The following RIC1 variants were observed in gnomAD, a reference collection of about 807,000 sequenced individuals.
The protein encoded by RIC1 is RIC1 partner of RAB6A GEF complex.
RIC1 carries 88 observed loss-of-function variants against 169.0 expected under a neutral mutation model. The ratio of observed to expected loss-of-function variants is 0.52; its 90% CI spans 0.44 to 0.62. The LOEUF (loss-of-function observed/expected upper bound fraction) is 0.62, where lower values mean the gene tolerates loss of function less well. Among genes scored for constraint, RIC1 ranks in the 20% least tolerant of loss-of-function variants. RIC1 has a pLI of 0.00. For missense variants in RIC1, 1,877 were observed against 1,725.5 expected (o/e 1.09, Z -1.56); for synonymous variants, 790 against 601.5 (o/e 1.31, Z -4.59).
intron 3 of RIC1, among the ~76,000 whole-genome samples, chr9:5,699,516 CTG>C (rs1249132932): frequency 3.4e-5 from 5 of 148,026 alleles, no homozygotes; most frequent in Admixed American, 6.7e-5. Context: ...TTTCAAAAAA[CTG>C]TTTGTATATT....
intron 2 of RIC1, among the ~76,000 whole-genome samples, chr9:5,665,927 C>G (rs994939082): frequency 6.6e-6 from 1 of 152,142 alleles, no homozygotes; most frequent in African/African-American, 2.4e-5. Flanking sequence ...GATCAGGGAC[C>G]CACTTAAAGA....
intron 6 of RIC1, among the ~76,000 whole-genome samples, chr9:5,727,288 A>G (rs867109025): frequency 6.6e-6 from 1 of 151,850 alleles, no homozygotes; most frequent in South Asian, 2.1e-4. Flanking sequence ...TTCTCTTCTC[A>G]CTTCATTTCA....
In RIC1 at chr9:5,753,251, T is replaced by G. The variant is rs967889297; in HGVS notation, c.1491+13T>G. ...TTGGCCTATACGGGTGAGTTGTTAT[T>G]TTGTTGGTGTTAACTTTTGTTGACT... On this transcript the variant is annotated intron_variant, in intron 13 of 25. Transcript: ENST00000414202. 1.9e-6 allele frequency: 3 copies of G among 1,612,834 alleles called. No individual in the cohort carries two copies. Among genetic ancestry groups the G allele is most frequent in the Non-Finnish European group, 2.5e-6 (3 of 1,178,882 alleles).
At chr9:5,720,899 G>C in intron 6 of RIC1, 149 bp downstream of exon 6, 1 of 668,498 alleles carries the variant, frequency 1.5e-6, no homozygotes, top group Non-Finnish European at 2.4e-6. Context: ...AGTATAAGTA[G>C]ACAAAATTCT....
At chr9:5,636,077 T>A (rs1817957388) in intron 1 of RIC1, among the ~76,000 whole-genome samples, 1 of 152,248 alleles carries the variant, frequency 6.6e-6, no homozygotes, top group African/African-American at 2.4e-5. Context: ...GGATTGTTTT[T>A]CTGTTTATGT....
intron 12 of RIC1, among the ~76,000 whole-genome samples, chr9:5,750,902 G>A: frequency 6.6e-6 from 1 of 151,784 alleles, no homozygotes; most frequent in South Asian, 2.1e-4. Context: ...AGTATCTTTA[G>A]ACACAAACTG....
chr9:5,639,226 A>G (rs1818120233), intron 1 of RIC1, among the ~76,000 whole-genome samples: 1 of 152,132 alleles, frequency 6.6e-6, no homozygotes, highest in Non-Finnish European at 1.5e-5. Context: ...TTTATGGTGT[A>G]ATACTTATAG....
intron 4 of RIC1, among the ~76,000 whole-genome samples, chr9:5,715,994 G>A (rs767365790): frequency 7.2e-5 from 11 of 152,046 alleles, no homozygotes; most frequent in African/African-American, 1.4e-4. Context: ...ACAGGCACAC[G>A]TCACAGCACG....
intron 1 of RIC1, among the ~76,000 whole-genome samples, chr9:5,638,320 T>C (rs1345225380): frequency 6.6e-6 from 1 of 152,194 alleles, no homozygotes; most frequent in Non-Finnish European, 1.5e-5. Flanking sequence ...TATTGATGTG[T>C]CTTTGTCTGG....
At position 5,775,308 on chromosome 9, in the gene RIC1, GTAAACT is replaced by G. The variant is rs1827521171; in HGVS notation, c.*1067_*1072del. ...GTGTGTAAAGAATGCATTCTTCATT[GTAAACT>G]TAAAGTATTTTATGTACTTCTAGAA... is the stretch of plus-strand genomic sequence containing the variant. On this transcript the variant is annotated 3_prime_UTR_variant, in exon 26 of 26. Transcript: ENST00000414202. 1 of 152,092 alleles carries G rather than the reference GTAAACT, an allele frequency of 6.6e-6. No homozygotes were observed. The highest frequency in any genetic ancestry group is 6.6e-5 in the Admixed American group (1 of 15,266). 9.4% of individuals were successfully genotyped at this position (152,092 alleles called of 1,614,324 possible). A position where few individuals can be genotyped will look rare whatever the true frequency, so the allele number is the denominator to read the frequency against.
intron 2 of RIC1, among the ~76,000 whole-genome samples, chr9:5,688,707 C>G (rs1331061486): frequency 6.6e-6 from 1 of 152,106 alleles, no homozygotes; most frequent in Non-Finnish European, 1.5e-5. Context: ...GCTGAAGAAA[C>G]TAAGTATTTT....
At chr9:5,686,212 A>G (rs1821210458) in intron 2 of RIC1, among the ~76,000 whole-genome samples, 1 of 151,636 alleles carries the variant, frequency 6.6e-6, no homozygotes. Context: ...TGTGGAAGTC[A>G]GTGTGGCGAT....
At chr9:5,758,116 G>T (rs1293356882) in intron 17 of RIC1, among the ~76,000 whole-genome samples, 3 of 152,162 alleles carry the variant, frequency 2.0e-5, no homozygotes, top group Admixed American at 6.5e-5. Flanking sequence ...AACTTGGGCA[G>T]TGAAAAAGGA....
intron 1 of RIC1, among the ~76,000 whole-genome samples, chr9:5,644,899 T>A (rs959348764): frequency 6.6e-6 from 1 of 152,220 alleles, no homozygotes; most frequent in Non-Finnish European, 1.5e-5. Flanking sequence ...AGTTTCTGTT[T>A]CTCCACACCC....
chr9:5,649,436 C>T (rs1818685581), intron 1 of RIC1, among the ~76,000 whole-genome samples: 1 of 152,022 alleles, frequency 6.6e-6, no homozygotes, highest in African/African-American at 2.4e-5. Context: ...ATCTGAAATT[C>T]ATTCTTCTGC....
chr9:5,727,972 G>A (rs2130905037), intron 6 of RIC1, among the ~76,000 whole-genome samples: 1 of 152,344 alleles, frequency 6.6e-6, no homozygotes, highest in Non-Finnish European at 1.5e-5. Context: ...GTGTCTCCCA[G>A]TTAGGCTACT....
intron 3 of RIC1, among the ~76,000 whole-genome samples, chr9:5,709,278 C>G (rs951562226): frequency 2.0e-5 from 3 of 152,160 alleles, no homozygotes; most frequent in Non-Finnish European, 4.4e-5. Flanking sequence ...AGTGTGTGTT[C>G]CCTTCCCTAC....
In RIC1 at chr9:5,762,623, G is replaced by T; in HGVS notation, c.2075G>T (p.Arg692Leu). 6.2e-7 allele frequency: 1 copy of T among 1,613,896 alleles called. No homozygotes were observed. The highest frequency in any genetic ancestry group is 1.1e-5 in the South Asian group (1 of 91,060). Residue 692 changes from arginine to leucine, a missense_variant, in exon 18 of 26, where the codon CGG becomes CTG. Physicochemically the swap from Arg to Leu is moderately radical, Grantham distance 102 (BLOSUM62 -2). Around this residue, in one of 3 missense-constraint regions of RIC1, gnomAD observed 1,104 missense variants for 992.0 expected, o/e 1.11. Transcript: ENST00000414202. ...AGGGACAGGTCAGGCCCACAGATCC[G>T]GGAGAAGGACAGTAACCCTAATAAC... The part of the protein sequence containing the change: ...MQRDRSGPQI[R>L]EKDSNPNNQR...
chr9:5,762,547 G>C lies in RIC1; in HGVS notation c.1999G>C (p.Gly667Arg). The change falls in exon 18 of 26, where the codon GGT (glycine) becomes CGT (arginine). Residue 667 changes from glycine (G) to arginine (R), a missense_variant. Physicochemically the swap from Gly to Arg is moderately radical, Grantham distance 125. This residue lies in a region of RIC1 where 1,104 missense variants were observed against 992.0 expected (regional missense o/e 1.11). Transcript: ENST00000414202. ...GCTTTTTCTTAAATTTCAGGCTCGT[G>C]GTGCAGAGAGCATTATGTTAAACCT... ...ITLKMPQQAR[G>R]AESIMLNLAG... is the part of the protein sequence containing the mutation. 6.2e-7 allele frequency: 1 copy of C among 1,613,580 alleles called. No homozygotes were observed. The highest frequency in any genetic ancestry group is 8.5e-7 in the Non-Finnish European group (1 of 1,179,784).
Sources: gnomAD v4.1 joint callset for allele counts (sites outside exome capture counted in the v4.1 genomes callset) on GRCh38, gnomAD v4.1.1 for gene constraint, gnomAD v4.1.1 regional missense constraint, MANE v1.5 for transcripts, NCBI Gene and HGNC (gene_info 2026-07-23, HGNC 2026-07-21) for gene names.